Variants in PCCA observed in about 807,000 individuals in gnomAD.
PCCA encodes the protein propionyl-CoA carboxylase alpha chain, mitochondrial.
PCCA carries 74 observed loss-of-function variants against 101.3 expected under a neutral mutation model. The observed-to-expected ratio is 0.73, with a 90% confidence interval of 0.61 to 0.89. The LOEUF (loss-of-function observed/expected upper bound fraction) is 0.89, where lower values mean the gene tolerates loss of function less well. Among genes scored for constraint, PCCA ranks in the 40% least tolerant of loss-of-function variants. PCCA has a pLI of 0.00. For synonymous variants in PCCA, 294 were observed against 313.6 expected, an observed-to-expected ratio of 0.94 and a Z score of 0.66; for missense variants, 891 against 907.0, an observed-to-expected ratio of 0.98 and a Z score of 0.23.
intron 6 of PCCA, among the ~76,000 whole-genome samples, chr13:100,197,848 T>C (rs1467339142): frequency 6.6e-6 from 1 of 152,230 alleles, no homozygotes; most frequent in Non-Finnish European, 1.5e-5. Flanking sequence ...AGTAACTCTT[T>C]GGAGTCCAGA....
chr13:100,490,476 G>A (rs1387414885), intron 21 of PCCA: 1 of 152,218 alleles, frequency 6.6e-6, no homozygotes, highest in Non-Finnish European at 1.5e-5. Context: ...TGCACAGTTA[G>A]ATAAATCTGT....
chr13:100,187,110 C>T (rs989985864), intron 6 of PCCA, among the ~76,000 whole-genome samples: 2 of 152,166 alleles, frequency 1.3e-5, no homozygotes, highest in Non-Finnish European at 2.9e-5. Flanking sequence ...CTAAATGTAG[C>T]TATACTGATA....
At chr13:100,527,255 T>C (rs2087915021) in intron 22 of PCCA, 1 of 471,602 alleles carries the variant, frequency 2.1e-6, no homozygotes, top group Non-Finnish European at 4.4e-6. Context: ...AAAGAAACCC[T>C]GTACCCTTCA....
Position 100,469,679 on chromosome 13 carries a change from T to C in PCCA, c.1899+20374T>C, listed in dbSNP as rs1490211041. Among the ~76,000 whole-genome samples, 15 of 151,238 alleles carry C rather than the reference T, an allele frequency of 9.9e-5. No individual in the cohort carries two copies. In the South Asian group the frequency reaches 2.7e-3, roughly 28 times the overall value. On this transcript the variant is annotated intron_variant, in intron 21 of 23. Coordinates refer to ENST00000376285, the MANE Select transcript of PCCA (RefSeq NM_000282.4). Reference sequence around the variant, plus strand: ...TAGTCTCAGCTACTCACTCGGGAGGTTGAGGCAGGAGAATCGCTTGAAACC... The same window carrying C: ...TAGTCTCAGCTACTCACTCGGGAGGCTGAGGCAGGAGAATCGCTTGAAACC...
At chr13:100,215,079 C>A (rs751708663) in intron 7 of PCCA, among the ~76,000 whole-genome samples, 1 of 152,158 alleles carries the variant, frequency 6.6e-6, no homozygotes, top group Non-Finnish European at 1.5e-5. Context: ...AACTTATGTG[C>A]TTAGTCATAT....
At chr13:100,435,098 A>G (rs1343236550) in intron 20 of PCCA, among the ~76,000 whole-genome samples, 1 of 152,158 alleles carries the variant, frequency 6.6e-6, no homozygotes, top group South Asian at 2.1e-4. Context: ...ATAAAGAAAA[A>G]CCTGAGACTG....
chr13:100,530,129 C>T lies in PCCA; in HGVS notation c.2150C>T (p.Thr717Ile), dbSNP rs548026367. ...TCTGTGCACTGTCAAGCTGGAGACA[C>T]AGTTGGAGAAGGGGATCTGCTCGTG... ...VKSVHCQAGD[T>I]VGEGDLLVEL... is the part of the protein sequence containing the mutation. The change falls in exon 24 of 24, where the codon ACA becomes ATA. Residue 717 changes from threonine (T) to isoleucine (I), a missense_variant. Thr to Ile is a moderately conservative substitution (Grantham distance 89). Coordinates refer to ENST00000376285, the MANE Select transcript of PCCA (RefSeq NM_000282.4). The T allele has an allele frequency of 1.5e-5, 25 of 1,614,062 alleles. No individual in the cohort carries two copies. In the South Asian group the frequency reaches 2.6e-4, roughly 17 times the overall value.
At chr13:100,151,386 G>A (rs1022778784) in intron 4 of PCCA, among the ~76,000 whole-genome samples, 2 of 152,134 alleles carry the variant, frequency 1.3e-5, no homozygotes, top group South Asian at 2.1e-4. Context: ...GAGGTCGGGA[G>A]TTCGAGACCA....
At chr13:100,095,720 T>A (rs546913251) in intron 1 of PCCA, among the ~76,000 whole-genome samples, 1 of 152,106 alleles carries the variant, frequency 6.6e-6, no homozygotes, top group Non-Finnish European at 1.5e-5. Context: ...GCTGCTGTGG[T>A]TGGAGTGAAC....
chr13:100,091,623 C>T (rs941864739), intron 1 of PCCA, among the ~76,000 whole-genome samples: 1 of 152,106 alleles, frequency 6.6e-6, no homozygotes, highest in African/African-American at 2.4e-5. Context: ...CCCTCCCATC[C>T]CTCCCTCCAC....
intron 20 of PCCA, among the ~76,000 whole-genome samples, chr13:100,440,935 G>C (rs2080324602): frequency 6.6e-6 from 1 of 152,114 alleles, no homozygotes; most frequent in Admixed American, 6.6e-5. Flanking sequence ...AAATAACTCT[G>C]TTGACTCTGC....
chr13:100,528,843 T>C (rs2153009498), intron 23 of PCCA, among the ~76,000 whole-genome samples: 1 of 152,372 alleles, frequency 6.6e-6, no homozygotes, highest in Admixed American at 6.5e-5. Flanking sequence ...ATTTAACATT[T>C]GTGCTGCCCT....
At chr13:100,333,324 G>A (rs1462690048) in intron 17 of PCCA, among the ~76,000 whole-genome samples, 1 of 152,210 alleles carries the variant, frequency 6.6e-6, no homozygotes, top group East Asian at 1.9e-4. Flanking sequence ...TTGGGGCCAG[G>A]TCATTTTGCC....
chr13:100,460,706 A>G (rs952909995), intron 21 of PCCA, among the ~76,000 whole-genome samples: 4 of 152,234 alleles, frequency 2.6e-5, no homozygotes, highest in African/African-American at 9.6e-5. Context: ...AAGATTTACC[A>G]TTAAGAATGC....
chr13:100,221,961 T>A (rs1356075400), intron 7 of PCCA, among the ~76,000 whole-genome samples: 1 of 152,052 alleles, frequency 6.6e-6, no homozygotes, highest in African/African-American at 2.4e-5. Flanking sequence ...GGTCTCAAAC[T>A]CCTGACCTCA....
At chr13:100,307,125 A>G (rs1002229195) in intron 14 of PCCA, 67 bp from the exon 15 acceptor site, 8 of 1,044,488 alleles carry the variant, frequency 7.7e-6, no homozygotes, top group Admixed American at 7.2e-5. Flanking sequence ...TGGAAATGAA[A>G]TTGGTGGTTA....
At chr13:100,347,281 CAA>C (rs1440373181) in intron 18 of PCCA, among the ~76,000 whole-genome samples, 1 of 152,160 alleles carries the variant, frequency 6.6e-6, no homozygotes, top group Non-Finnish European at 1.5e-5. Context: ...GGAAAAGTAA[CAA>C]ATTCATGTGA....
At chr13:100,284,108 G>A (rs1185230829) in intron 12 of PCCA, among the ~76,000 whole-genome samples, 2 of 152,230 alleles carry the variant, frequency 1.3e-5, no homozygotes, top group East Asian at 1.9e-4. Context: ...TTAATCTCCT[G>A]TCCTGGATGA....
intron 12 of PCCA, 41 bp from the exon 13 acceptor site, chr13:100,301,419 C>T: frequency 6.2e-7 from 1 of 1,609,768 alleles, no homozygotes; most frequent in Non-Finnish European, 8.5e-7. Context: ...ATTTATTTAC[C>T]CTTTTCTACA....
Sources: allele counts gnomAD v4.1 joint callset (sites outside exome capture counted in the v4.1 genomes callset), GRCh38; gene constraint gnomAD v4.1.1; transcripts MANE v1.5; gene names NCBI Gene and HGNC (gene_info 2026-07-23, HGNC 2026-07-21).